KPNA3: variants seen among roughly 807,000 people sequenced by gnomAD.
The protein encoded by KPNA3 is karyopherin subunit alpha 3, also known as importin subunit alpha-4.
A neutral mutation model predicts 73.8 loss-of-function variants in KPNA3; 13 were observed. The ratio of observed to expected loss-of-function variants is 0.18; its 90% CI spans 0.11 to 0.28. The LOEUF (loss-of-function observed/expected upper bound fraction) is 0.28, where lower values mean the gene tolerates loss of function less well. Ranked by LOEUF, KPNA3 falls within the 10% of genes least tolerant of loss-of-function variation. The pLI, the probability that KPNA3 is intolerant of heterozygous loss-of-function variation, is 1.00. For missense variants in KPNA3, 360 were observed against 618.1 expected (o/e 0.58, Z 4.43); for synonymous variants, 186 against 206.9 (o/e 0.90, Z 0.87).
chr13:49,749,402 A>G (rs1954643799), intron 1 of KPNA3, among the ~76,000 whole-genome samples: 1 of 152,246 alleles, frequency 6.6e-6, no homozygotes, highest in Non-Finnish European at 1.5e-5. Context: ...TATTCAAGAT[A>G]TACGAATTGA....
rs532568459 is a variant in KPNA3, at chr13:49,787,172, C to A, written c.69+5266G>T. On this transcript the variant is annotated intron_variant, in intron 1 of 16. Coordinates refer to ENST00000261667, the MANE Select transcript of KPNA3 (RefSeq NM_002267.4). ...TTGCAGGTGAGAAAATATATATTAGCCCTGGTATCAGAAACTAAAGCATAA... is the reference window on the plus strand; with the variant it reads ...TTGCAGGTGAGAAAATATATATTAGACCTGGTATCAGAAACTAAAGCATAA... Among the ~76,000 whole-genome samples, 4 of 152,240 alleles carry A rather than the reference C, an allele frequency of 2.6e-5. No individual in the cohort carries two copies. The South Asian group carries it at 8.3e-4, about 32-fold the overall frequency.
intron 1 of KPNA3, among the ~76,000 whole-genome samples, chr13:49,770,560 CTT>C (rs1347621164): frequency 2.0e-5 from 3 of 151,988 alleles, no homozygotes; most frequent in Admixed American, 6.5e-5. Flanking sequence ...TATATTTCCT[CTT>C]GTCACTTGTG....
rs2137526099 is a variant in KPNA3, at chr13:49,700,618, T to G, written c.*1182A>C. 6.5e-6 allele frequency: 1 copy of G among 152,762 alleles called. No homozygotes were observed. Among genetic ancestry groups the G allele is most frequent in the South Asian group, 2.1e-4 (1 of 4,826 alleles). 9.5% of individuals were successfully genotyped at this position (152,762 alleles called of 1,614,324 possible). On this transcript the variant is annotated 3_prime_UTR_variant, in exon 17 of 17. Coordinates refer to ENST00000261667, the MANE Select transcript of KPNA3 (RefSeq NM_002267.4). ...TTAATATGTGAAGATGCTTTTTGAG[T>G]AGGATCTGAATTAACTTTCCCAATA... is the stretch of plus-strand genomic sequence containing the variant.
intron 1 of KPNA3, among the ~76,000 whole-genome samples, chr13:49,791,587 T>C (rs1405909547): frequency 6.6e-6 from 1 of 152,238 alleles, no homozygotes; most frequent in African/African-American, 2.4e-5. Context: ...GTAAGAGAAT[T>C]ATGAACCTGT....
At chr13:49,704,770 C>A (rs766484251) in intron 15 of KPNA3, among the ~76,000 whole-genome samples, 7 of 152,038 alleles carry the variant, frequency 4.6e-5, no homozygotes, top group Non-Finnish European at 7.4e-5. Flanking sequence ...AAAGTAACTG[C>A]CACAGTAATA....
intron 1 of KPNA3, among the ~76,000 whole-genome samples, chr13:49,766,872 T>G (rs919834956): frequency 4.6e-5 from 7 of 151,678 alleles, no homozygotes; most frequent in African/African-American, 1.7e-4. Context: ...GCGTTAATAT[T>G]ACAAGATATC....
chr13:49,730,184 C>T (rs548675248), intron 6 of KPNA3, among the ~76,000 whole-genome samples: 2 of 152,066 alleles, frequency 1.3e-5, no homozygotes, highest in Middle Eastern at 3.4e-3. Flanking sequence ...AATGAGTCTA[C>T]ATATAAAAGA....
intron 2 of KPNA3, among the ~76,000 whole-genome samples, chr13:49,735,056 C>A (rs993806982): frequency 1.3e-5 from 2 of 151,970 alleles, no homozygotes; most frequent in South Asian, 2.1e-4. Context: ...TGGGTAACAA[C>A]CCCTGCATTT....
chr13:49,720,251 C>G (rs925185669), intron 9 of KPNA3, among the ~76,000 whole-genome samples: 10 of 152,286 alleles, frequency 6.6e-5, no homozygotes, highest in African/African-American at 2.4e-4. Flanking sequence ...ACTTAATAAG[C>G]TACTTAAGTC....
chr13:49,722,258 T>C, intron 8 of KPNA3, 134 bp from the exon 9 acceptor site: 1 of 723,014 alleles, frequency 1.4e-6, no homozygotes, highest in Non-Finnish European at 2.2e-6. Context: ...CAAGTGTTGT[T>C]TCTCCAGATT....
intron 11 of KPNA3, 44 bp from the exon 12 acceptor site, chr13:49,709,744 A>G: frequency 6.3e-7 from 1 of 1,577,722 alleles, no homozygotes; most frequent in Non-Finnish European, 8.6e-7. Context: ...ATTTGCTTAT[A>G]AGACTAATTC....
intron 1 of KPNA3, among the ~76,000 whole-genome samples, chr13:49,773,755 G>A (rs11148167): frequency 0.24 from 36,350 of 152,032 alleles, 5,197 homozygotes; most frequent in Non-Finnish European, 0.32. Context: ...AGTCTACTAG[G>A]CAGAAGAACT....
chr13:49,712,507 AG>A (rs1954269066), intron 10 of KPNA3, among the ~76,000 whole-genome samples: 1 of 151,556 alleles, frequency 6.6e-6, no homozygotes, highest in South Asian at 2.1e-4. Context: ...AAAAAAAAAA[AG>A]ATTAAACAGA....
At chr13:49,761,826 A>G (rs1428544723) in intron 1 of KPNA3, among the ~76,000 whole-genome samples, 1 of 143,180 alleles carries the variant, frequency 7.0e-6, no homozygotes, top group African/African-American at 2.6e-5. Context: ...ATCGTCTGAG[A>G]TGTGGGGAGC....
intron 1 of KPNA3, among the ~76,000 whole-genome samples, chr13:49,759,310 G>A (rs763839279): frequency 1.1e-4 from 16 of 152,112 alleles, no homozygotes; most frequent in Non-Finnish European, 1.8e-4. Context: ...ATAAATGAGA[G>A]GAAGGTTTCT....
chr13:49,745,106 T>C (rs1264753486), intron 2 of KPNA3, among the ~76,000 whole-genome samples: 1 of 152,194 alleles, frequency 6.6e-6, no homozygotes, highest in Non-Finnish European at 1.5e-5. Context: ...GCTCAAATGG[T>C]AATGCTTGGT....
At position 49,733,596 on chromosome 13, in the gene KPNA3, G is replaced by C. The variant is rs146154736; in HGVS notation, c.115-550C>G. Among the ~76,000 whole-genome samples the C allele has an allele frequency of 2.0e-3, 303 of 152,192 alleles. 1 individual carries two copies. Among genetic ancestry groups the C allele is most frequent in the Non-Finnish European group, 2.3e-3 (155 of 67,996 alleles). On this transcript the variant is annotated intron_variant, in intron 2 of 16. Transcript: ENST00000261667. ...GAGCCACTGCGCCTTGCCTATTTGCGTAAGTTTGCTCATACTTAAATTGTA... is the reference window on the plus strand; with the variant it reads ...GAGCCACTGCGCCTTGCCTATTTGCCTAAGTTTGCTCATACTTAAATTGTA...
chr13:49,762,794 T>C (rs1954778553), intron 1 of KPNA3, among the ~76,000 whole-genome samples: 1 of 151,960 alleles, frequency 6.6e-6, no homozygotes, highest in East Asian at 1.9e-4. Flanking sequence ...TCTGCTGACC[T>C]TCCCTCCACT....
intron 1 of KPNA3, among the ~76,000 whole-genome samples, chr13:49,775,898 A>G (rs1378005580): frequency 6.6e-6 from 1 of 152,134 alleles, no homozygotes; most frequent in African/African-American, 2.4e-5. Context: ...TAGCCCATGT[A>G]CTTTCTCCCT....
Sources: gnomAD v4.1 joint callset for allele counts (sites outside exome capture counted in the v4.1 genomes callset) on GRCh38, gnomAD v4.1.1 for gene constraint, MANE v1.5 for transcripts, NCBI Gene and HGNC (gene_info 2026-07-23, HGNC 2026-07-21) for gene names.